Variants in KCNH8 observed in about 807,000 individuals in gnomAD.
The protein encoded by KCNH8 is potassium voltage-gated channel subfamily H member 8, also known as voltage-gated delayed rectifier potassium channel KCNH8.
In KCNH8, 70 loss-of-function variants were observed where a neutral mutation model predicts 103.6. The observed-to-expected ratio is 0.68, with a 90% CI of 0.56 to 0.82. KCNH8 has a LOEUF of 0.82. Ranked by LOEUF, KCNH8 falls within the 40% of genes least tolerant of loss-of-function variation. KCNH8 has a pLI of 0.00. For synonymous variants in KCNH8, 498 were observed against 489.4 expected (o/e 1.02, Z -0.23); for missense variants, 1,217 against 1,329.9 (o/e 0.92, Z 1.32).
At chr3:19,476,348 AC>A (rs1223171667) in intron 11 of KCNH8, among the ~76,000 whole-genome samples, 1 of 152,178 alleles carries the variant, frequency 6.6e-6, no homozygotes, top group Non-Finnish European at 1.5e-5. Flanking sequence ...TTTCGCATTA[AC>A]GCTAAAGTGC....
chr3:19,207,074 T>C (rs1458148564), intron 1 of KCNH8, among the ~76,000 whole-genome samples: 2 of 151,664 alleles, frequency 1.3e-5, no homozygotes, highest in African/African-American at 4.8e-5. Flanking sequence ...AAAAAAGATT[T>C]GGGTGTTGTT....
Position 19,342,695 on chromosome 3 carries a change from A to G in KCNH8, c.551A>G (p.Asn184Ser). ...GGGCACCTGCAAAGAAGAGAAAAGA[A>G]CAAATTGAAAATAAATAACGTAGGT... ...ISGHLQRREK[N>S]KLKINNNVFV... Residue 184 changes from asparagine (N) to serine (S), a missense_variant, in exon 4 of 16, where the codon AAC becomes AGC. Asn to Ser is a conservative substitution (Grantham distance 46). Transcript: ENST00000328405. 1.9e-6 allele frequency: 3 copies of G among 1,608,820 alleles called. No individual in the cohort carries two copies. The highest frequency in any genetic ancestry group is 2.6e-6 in the Non-Finnish European group (3 of 1,176,414).
At chr3:19,313,372 G>C (rs930647091) in intron 3 of KCNH8, among the ~76,000 whole-genome samples, 1 of 151,824 alleles carries the variant, frequency 6.6e-6, no homozygotes, top group Non-Finnish European at 1.5e-5. Flanking sequence ...TCTTAGGCCA[G>C]GCATTTTTGC....
At chr3:19,231,607 T>C (rs2125238338) in intron 1 of KCNH8, among the ~76,000 whole-genome samples, 1 of 152,318 alleles carries the variant, frequency 6.6e-6, no homozygotes, top group South Asian at 2.1e-4. Context: ...TTCTTTCTAA[T>C]TTAGCTCTAG....
chr3:19,207,264 G>C (rs2063727031), intron 1 of KCNH8, among the ~76,000 whole-genome samples: 1 of 151,958 alleles, frequency 6.6e-6, no homozygotes, highest in Non-Finnish European at 1.5e-5. Flanking sequence ...GGTAAAGAAA[G>C]GGGCATTCAA....
intron 1 of KCNH8, among the ~76,000 whole-genome samples, chr3:19,231,683 C>T (rs1575454080): frequency 6.6e-6 from 1 of 152,072 alleles, no homozygotes; most frequent in Admixed American, 6.5e-5. Context: ...TTCCTTTCTA[C>T]CCCATGGTAT....
chr3:19,286,109 C>T (rs2064828723), intron 3 of KCNH8, among the ~76,000 whole-genome samples: 1 of 152,064 alleles, frequency 6.6e-6, no homozygotes, highest in Non-Finnish European at 1.5e-5. Flanking sequence ...AGGTGGTATG[C>T]AGATATATTT....
chr3:19,470,594 T>C (rs1387503991), intron 11 of KCNH8, among the ~76,000 whole-genome samples: 3 of 152,128 alleles, frequency 2.0e-5, no homozygotes, highest in African/African-American at 7.2e-5. Context: ...GGCAGAGTGA[T>C]CGGGGGCTTC....
chr3:19,365,438 A>G (rs907856433), intron 5 of KCNH8, among the ~76,000 whole-genome samples: 4 of 152,148 alleles, frequency 2.6e-5, no homozygotes, highest in Admixed American at 2.0e-4. Flanking sequence ...ATAAATATTT[A>G]TAAACATATT....
At chr3:19,158,317 G>C in intron 1 of KCNH8, among the ~76,000 whole-genome samples, 1 of 151,330 alleles carries the variant, frequency 6.6e-6, no homozygotes, top group Admixed American at 6.6e-5. Flanking sequence ...TATATTAACT[G>C]ATCTTTTTCT....
chr3:19,412,592 A>G (rs1002038720), intron 7 of KCNH8, among the ~76,000 whole-genome samples: 3 of 152,084 alleles, frequency 2.0e-5, no homozygotes. Context: ...CAACAGAATA[A>G]AAAGACAACC....
intron 7 of KCNH8, among the ~76,000 whole-genome samples, chr3:19,404,093 A>G (rs1227018906): frequency 6.6e-6 from 1 of 151,932 alleles, no homozygotes; most frequent in Non-Finnish European, 1.5e-5. Context: ...AGTTTTATAG[A>G]ACTTTAATTT....
intron 3 of KCNH8, among the ~76,000 whole-genome samples, chr3:19,292,289 A>G (rs979531698): frequency 6.6e-6 from 1 of 152,150 alleles, no homozygotes; most frequent in African/African-American, 2.4e-5. Flanking sequence ...AGCACTTCAA[A>G]TTTGTTTTGA....
At chr3:19,247,699 GA>G (rs1559441506) in intron 1 of KCNH8, among the ~76,000 whole-genome samples, 1 of 152,144 alleles carries the variant, frequency 6.6e-6, no homozygotes, top group African/African-American at 2.4e-5. Flanking sequence ...CAGAAATAAA[GA>G]TTTGAACTAT....
chr3:19,334,364 C>T (rs941295592), intron 3 of KCNH8, among the ~76,000 whole-genome samples: 12 of 152,072 alleles, frequency 7.9e-5, no homozygotes, highest in African/African-American at 2.2e-4. Context: ...TTCAGGAGGT[C>T]GAGGCTATAG....
At chr3:19,532,468 G>C (rs1559374465) in intron 15 of KCNH8, among the ~76,000 whole-genome samples, 1 of 151,986 alleles carries the variant, frequency 6.6e-6, no homozygotes, top group East Asian at 1.9e-4. Flanking sequence ...TTATTTTGTA[G>C]CATCCTCACC....
intron 3 of KCNH8, among the ~76,000 whole-genome samples, chr3:19,336,193 CTCAT>C (rs1297713783): frequency 6.6e-5 from 10 of 151,708 alleles, no homozygotes; most frequent in South Asian, 2.1e-4. Context: ...TAATTTTTCT[CTCAT>C]TCATCTGATT....
Position 19,511,752 on chromosome 3 carries a change from C to A in KCNH8, c.2080-1218C>A, listed in dbSNP as rs78858481. On this transcript the variant is annotated intron_variant, in intron 12 of 15. Transcript: ENST00000328405. ...ATTTGGAAAGATGAGTCTAAGAATG[C>A]CATTTCTTCAAGAAATTTTGAGCCA... Among the ~76,000 whole-genome samples, 23 of 152,128 alleles carry A rather than the reference C, an allele frequency of 1.5e-4. 1 individual carries two copies. In the East Asian group the frequency reaches 4.4e-3, roughly 29 times the overall value.
In KCNH8 at chr3:19,429,173, T is replaced by G. The variant is rs2067078020; in HGVS notation, c.1178-8991T>G. On this transcript the variant is annotated intron_variant, in intron 7 of 15. Coordinates refer to ENST00000328405, the MANE Select transcript of KCNH8 (RefSeq NM_144633.3). ...AGTCAGAATCCACTCTTTTTTTTTTTTTTTTTTTTTTTTTTGGAGACAAGA... is the reference window on the plus strand; with the variant it reads ...AGTCAGAATCCACTCTTTTTTTTTTGTTTTTTTTTTTTTTTGGAGACAAGA... 2.8e-5 allele frequency among the ~76,000 whole-genome samples: 4 copies of G among 142,686 alleles called. No individual in the cohort carries two copies. In the South Asian group the frequency reaches 9.4e-4, roughly 34 times the overall value. The allele number at this position is 142,686 out of a possible 152,430, so 93.6% of individuals were successfully genotyped here.
Sources: allele counts gnomAD v4.1 joint callset (sites outside exome capture counted in the v4.1 genomes callset), GRCh38; gene constraint gnomAD v4.1.1; transcripts MANE v1.5; gene names NCBI Gene and HGNC (gene_info 2026-07-23, HGNC 2026-07-21).